The following PRKN variants were observed in gnomAD, a reference collection of about 807,000 sequenced individuals.
PRKN encodes E3 ubiquitin-protein ligase parkin.
Under a neutral mutation model 59.5 loss-of-function variants are expected in PRKN, and 56 were observed. The ratio of observed to expected loss-of-function variants is 0.94; its 90% CI spans 0.76 to 1.18. The LOEUF is 1.18. PRKN is among the 50% of genes most tolerant of loss of function. The probability of loss-of-function intolerance (pLI) is 0.00; values close to 1 mark genes in which losing one functional copy is unlikely to be tolerated. For missense variants in PRKN, 657 were observed against 596.4 expected (o/e 1.10, Z -1.06); for synonymous variants, 250 against 222.1 (o/e 1.13, Z -1.12).
intron 1 of PRKN, among the ~76,000 whole-genome samples, chr6:162,547,228 G>C (rs1243170213): frequency 6.6e-6 from 1 of 152,068 alleles, no homozygotes; most frequent in African/African-American, 2.4e-5. Context: ...TAAACCAGAA[G>C]AACAAAACAA....
rs190403660 is a variant in PRKN at position 162,577,233 on chromosome 6, A to T, written c.8-133760T>A. On this transcript the variant is annotated intron_variant, in intron 1 of 11. Coordinates refer to ENST00000366898, the MANE Select transcript of PRKN (RefSeq NM_004562.3). Reference sequence around the variant, plus strand: ...AGATATAAACAGATAACTTAAAAAAAGATGATCAATAATAGGAAAAAAATC... The same window carrying T: ...AGATATAAACAGATAACTTAAAAAATGATGATCAATAATAGGAAAAAAATC... Among the ~76,000 whole-genome samples the T allele has an allele frequency of 1.8e-4, 27 of 149,638 alleles. No individual in the cohort carries two copies. In the East Asian group the frequency reaches 5.3e-3, roughly 29 times the overall value.
At chr6:161,455,971 G>A (rs115523418) in intron 9 of PRKN, among the ~76,000 whole-genome samples, 2,682 of 152,138 alleles carry the variant, frequency 0.018, 87 homozygotes, top group African/African-American at 0.061. Context: ...TTTCAAGGCT[G>A]GCCATGTGTG....
intron 2 of PRKN, among the ~76,000 whole-genome samples, chr6:162,415,148 C>T (rs963671590): frequency 3.3e-5 from 5 of 152,222 alleles, no homozygotes; most frequent in East Asian, 1.9e-4. Context: ...TTCACCTTGC[C>T]GGCAACCCTG....
intron 3 of PRKN, among the ~76,000 whole-genome samples, chr6:162,238,892 G>T (rs1475079982): frequency 3.9e-5 from 6 of 152,180 alleles, no homozygotes; most frequent in African/African-American, 1.4e-4. Context: ...CGTGTGCAGT[G>T]CCCGAAGGGG....
intron 5 of PRKN, among the ~76,000 whole-genome samples, chr6:162,011,396 T>C (rs375068747): frequency 3.4e-5 from 1 of 29,760 alleles, no homozygotes; most frequent in Non-Finnish European, 4.7e-5. Context: ...ATAATATATA[T>C]TATAAATATA....
rs188049349 is a variant in PRKN, at chr6:161,522,447, C to T, written c.1083+26407G>A. ...CTTAGACCAGCTGCTTCTCTGACTC[C>T]CTACTGAGGAACAAATTGCTTTCCT... On this transcript the variant is annotated intron_variant, in intron 9 of 11. Coordinates refer to ENST00000366898, the MANE Select transcript of PRKN (RefSeq NM_004562.3). Among the ~76,000 whole-genome samples the T allele has an allele frequency of 2.8e-3, 425 of 152,308 alleles. 1 individual carries two copies. Among genetic ancestry groups the T allele is most frequent in the African/African-American group, 9.9e-3 (412 of 41,572 alleles).
chr6:161,996,385 T>C lies in PRKN; in HGVS notation c.619-22968A>G, dbSNP rs573211808. Among the ~76,000 whole-genome samples the C allele has an allele frequency of 4.6e-5, 7 of 152,320 alleles. No individual in the cohort carries two copies. In the East Asian group the frequency reaches 1.2e-3, roughly 25 times the overall value. On this transcript the variant is annotated intron_variant, in intron 5 of 11. Coordinates refer to ENST00000366898, the MANE Select transcript of PRKN (RefSeq NM_004562.3). ...TGAACTGACCCAAATAAAAGGTTCC[T>C]ATATGTTTCTTCAAGCCAGCAGTAT...
intron 1 of PRKN, among the ~76,000 whole-genome samples, chr6:162,504,518 G>A (rs954647931): frequency 3.3e-5 from 5 of 152,156 alleles, no homozygotes; most frequent in African/African-American, 1.2e-4. Flanking sequence ...ACATAGATAT[G>A]ACATCTTGGT....
chr6:161,475,487 G>C lies in PRKN; in HGVS notation c.1083+73367C>G, dbSNP rs16892573. ...TAACTTGCTATATTTTAAATGCACGGTATTGACTTGTTATTTTTATTTACA... is the reference window on the plus strand; with the variant it reads ...TAACTTGCTATATTTTAAATGCACGCTATTGACTTGTTATTTTTATTTACA... On this transcript the variant is annotated intron_variant, in intron 9 of 11. Transcript: ENST00000366898. This position sits in a 1 kb window ranked among gnomAD's most constrained non-coding sequence, Gnocchi z 5.3. 6.6e-6 allele frequency among the ~76,000 whole-genome samples: 1 copy of C among 152,076 alleles called. No individual in the cohort carries two copies. The highest frequency in any genetic ancestry group is 1.5e-5 in the Non-Finnish European group (1 of 68,022).
intron 4 of PRKN, among the ~76,000 whole-genome samples, chr6:162,102,512 G>A (rs1003678048): frequency 6.6e-6 from 1 of 152,126 alleles, no homozygotes; most frequent in Admixed American, 6.5e-5. Flanking sequence ...TCATGAAAAC[G>A]GGGAAACTGA....
intron 4 of PRKN, among the ~76,000 whole-genome samples, chr6:162,131,001 A>T (rs1007608056): frequency 1.3e-5 from 2 of 152,174 alleles, no homozygotes; most frequent in African/African-American, 4.8e-5. Context: ...ACGATGCCCG[A>T]GTTCAAAATA....
chr6:161,777,900 A>G (rs113551390), intron 7 of PRKN, among the ~76,000 whole-genome samples: 18 of 121,962 alleles, frequency 1.5e-4, no homozygotes, highest in African/African-American at 1.8e-4. Flanking sequence ...ATATGTATAC[A>G]TATATATGTG....
Position 161,743,180 on chromosome 6 carries a change from A to T in PRKN, c.871+42592T>A, listed in dbSNP as rs113062637. On this transcript the variant is annotated intron_variant, in intron 7 of 11. Transcript: ENST00000366898. The stretch of plus-strand genomic sequence containing the variant: ...CCTGCTGTTCTGCCCTGGCACTCCC[A>T]ACCTCTCCTTGCCTGTCTATACTGG... 8.3e-3 allele frequency among the ~76,000 whole-genome samples: 1,210 copies of T among 145,284 alleles called. 20 individuals are homozygous for T. Among genetic ancestry groups the T allele is most frequent in the African/African-American group, 0.029 (1,166 of 39,910 alleles).
At chr6:162,650,529 C>T (rs1036629066) in intron 1 of PRKN, among the ~76,000 whole-genome samples, 17 of 139,260 alleles carry the variant, frequency 1.2e-4, no homozygotes, top group Middle Eastern at 3.6e-3. Flanking sequence ...CCCCGGGAGG[C>T]GGAGCTTGCA....
At position 162,109,484 on chromosome 6, in the gene PRKN, G is replaced by C. The variant is rs1440681725; in HGVS notation, c.535-55310C>G. On this transcript the variant is annotated intron_variant, in intron 4 of 11. Transcript: ENST00000366898. ...AGGCAGCCCTGGCCAGGACGATGAG[G>C]GGCAGAGATGATACAGGGACCAGCT... 2.6e-5 allele frequency among the ~76,000 whole-genome samples: 4 copies of C among 152,160 alleles called. No individual in the cohort carries two copies. The South Asian group carries it at 8.3e-4, about 32-fold the overall frequency.
chr6:162,302,281 G>GACACACACACTTCCC (rs1436510202), intron 2 of PRKN, among the ~76,000 whole-genome samples: 1 of 151,728 alleles, frequency 6.6e-6, no homozygotes, highest in African/African-American at 2.4e-5. Flanking sequence ...TATTGTGTAT[G>GACACACACACTTCCC]AGAGGAATCC....
In PRKN at chr6:161,545,913, A is replaced by G. The variant is rs116489439; in HGVS notation, c.1083+2941T>C. 6.2e-3 allele frequency among the ~76,000 whole-genome samples: 942 copies of G among 152,342 alleles called. 14 individuals carry two copies. The highest frequency in any genetic ancestry group is 0.021 in the African/African-American group (878 of 41,578). Reference sequence around the variant, plus strand: ...GGATGTCCTGAACCACAGGCATCACATTTCCTGTGTAACGATCACAATATA... The same window carrying G: ...GGATGTCCTGAACCACAGGCATCACGTTTCCTGTGTAACGATCACAATATA... On this transcript the variant is annotated intron_variant, in intron 9 of 11. Transcript: ENST00000366898. This position sits in a 1 kb window ranked among gnomAD's most constrained non-coding sequence, Gnocchi z 4.1.
chr6:162,050,695 T>C (rs977118194), intron 5 of PRKN, among the ~76,000 whole-genome samples: 1 of 152,090 alleles, frequency 6.6e-6, no homozygotes, highest in East Asian at 1.9e-4. Context: ...ACCATGACCT[T>C]TGAGGACATG....
intron 7 of PRKN, among the ~76,000 whole-genome samples, chr6:161,628,445 A>C (rs192467535): frequency 6.6e-6 from 1 of 152,208 alleles, no homozygotes; most frequent in Non-Finnish European, 1.5e-5. Flanking sequence ...CACTAATCCC[A>C]TTCCTGAGAT....
Sources: allele counts gnomAD v4.1 joint callset (sites outside exome capture counted in the v4.1 genomes callset), GRCh38; gene constraint gnomAD v4.1.1; non-coding constraint Gnocchi (gnomAD v3.1); transcripts MANE v1.5; gene names NCBI Gene and HGNC (gene_info 2026-07-23, HGNC 2026-07-21).